CTCF: variants seen among roughly 807,000 people sequenced by gnomAD.
CTCF encodes the protein CCCTC-binding factor.
CTCF carries 7 observed loss-of-function variants against 72.3 expected under a neutral mutation model. That is an observed-to-expected ratio of 0.10 (90% CI 0.06 to 0.18). The LOEUF (loss-of-function observed/expected upper bound fraction) is 0.18, where lower values mean the gene tolerates loss of function less well. Among genes scored for constraint, CTCF ranks in the 10% least tolerant of loss-of-function variants. The pLI, the probability that CTCF is intolerant of heterozygous loss-of-function variation, is 1.00. For synonymous variants in CTCF, 374 were observed against 315.8 expected (o/e 1.18, Z -1.95); for missense variants, 516 against 949.1 (o/e 0.54, Z 6.00).
At chr16:67,617,262 G>A (rs1229506055) in intron 5 of CTCF, among the ~76,000 whole-genome samples, 2 of 152,268 alleles carry the variant, frequency 1.3e-5, no homozygotes, top group South Asian at 4.1e-4. Context: ...CAGTTTGGGA[G>A]GCTGAGGTGG....
At position 67,616,891 on chromosome 16, in the gene CTCF, C is replaced by G. The variant is rs769189997; in HGVS notation, c.1086+13C>G. Reference sequence around the variant, plus strand: ...CGCCAGTGTAGAAGTGAGTGTTCAGCTTTTTGTTGGTATCTCTCTTAGGCA... The same window carrying G: ...CGCCAGTGTAGAAGTGAGTGTTCAGGTTTTTGTTGGTATCTCTCTTAGGCA... On this transcript the variant is annotated intron_variant, in intron 5 of 11. Coordinates refer to ENST00000264010, the MANE Select transcript of CTCF (RefSeq NM_006565.4). The G allele has an allele frequency of 1.9e-6, 3 of 1,613,702 alleles. No individual in the cohort carries two copies. In the Admixed American group the frequency reaches 5.0e-5, roughly 27 times the overall value.
At chr16:67,566,411 G>T (rs2051343300) in intron 1 of CTCF, among the ~76,000 whole-genome samples, 1 of 148,722 alleles carries the variant, frequency 6.7e-6, no homozygotes, top group African/African-American at 2.5e-5. Flanking sequence ...TCAGGAGGCT[G>T]AGTCAGGAGA....
intron 2 of CTCF, among the ~76,000 whole-genome samples, chr16:67,591,140 A>G (rs893831534): frequency 1.3e-5 from 2 of 151,536 alleles, no homozygotes; most frequent in African/African-American, 4.9e-5. Context: ...GAAAAATACA[A>G]AAATTAGCTA....
chr16:67,636,836 C>G lies in CTCF; in HGVS notation c.1984C>G (p.Pro662Ala). The G allele has an allele frequency of 6.3e-7, 1 of 1,593,278 alleles. No individual in the cohort carries two copies. Among genetic ancestry groups the G allele is most frequent in the South Asian group, 1.1e-5 (1 of 87,094 alleles). The change falls in exon 11 of 12, where the codon CCC becomes GCC. Residue 662 changes from proline (P) to alanine (A), a missense_variant. Pro to Ala is a conservative substitution (Grantham distance 27, BLOSUM62 -1). Coordinates refer to ENST00000264010, the MANE Select transcript of CTCF (RefSeq NM_006565.4). ...RGRPPGRTNQPKQNQPTAIIQ... is the reference protein window; with the variant it reads ...RGRPPGRTNQAKQNQPTAIIQ... ...ACGACCCCCTGGCAGAACCAACCAGCCCAAACAGAACCAGCGTAAGTTGTT... is the reference window on the plus strand; with the variant it reads ...ACGACCCCCTGGCAGAACCAACCAGGCCAAACAGAACCAGCGTAAGTTGTT...
At chr16:67,591,482 A>T (rs1025871113) in intron 2 of CTCF, among the ~76,000 whole-genome samples, 3 of 152,156 alleles carry the variant, frequency 2.0e-5, no homozygotes, top group African/African-American at 7.2e-5. Context: ...TGTAGTCTAC[A>T]ACTTTCCTGG....
chr16:67,588,561 T>G (rs2051698280), intron 2 of CTCF, among the ~76,000 whole-genome samples: 1 of 152,150 alleles, frequency 6.6e-6, no homozygotes, highest in Non-Finnish European at 1.5e-5. Flanking sequence ...AGCATGTACT[T>G]GGGAGGCAGC....
chr16:67,622,124 A>C (rs149149637), intron 7 of CTCF, among the ~76,000 whole-genome samples: 1 of 152,140 alleles, frequency 6.6e-6, no homozygotes, highest in African/African-American at 2.4e-5. Flanking sequence ...TGGGAGGCCA[A>C]CGCGGGTGGA....
At chr16:67,607,835 T>C (rs1215549039) in intron 2 of CTCF, among the ~76,000 whole-genome samples, 1 of 149,066 alleles carries the variant, frequency 6.7e-6, no homozygotes, top group Non-Finnish European at 1.5e-5. Context: ...CTGGCCAACA[T>C]AGTGAAACCC....
At chr16:67,629,146 G>T (rs2052329800) in intron 9 of CTCF, among the ~76,000 whole-genome samples, 1 of 132,332 alleles carries the variant, frequency 7.6e-6, no homozygotes, top group Admixed American at 8.1e-5. Flanking sequence ...GTCTTCTCTT[G>T]GGGGCTCTGT....
chr16:67,619,486 G>GT (rs1414402124), intron 5 of CTCF, among the ~76,000 whole-genome samples: 1 of 151,822 alleles, frequency 6.6e-6, no homozygotes, highest in Admixed American at 6.6e-5. Context: ...GTGTTTTTTT[G>GT]TTTTTTGTTT....
At chr16:67,631,232 C>G (rs543358066) in intron 10 of CTCF, among the ~76,000 whole-genome samples, 394 of 143,354 alleles carry the variant, frequency 2.7e-3, no homozygotes, top group Non-Finnish European at 4.4e-3. Flanking sequence ...GTAGTGCGAT[C>G]TCTGCTCACT....
intron 10 of CTCF, among the ~76,000 whole-genome samples, chr16:67,630,622 G>A (rs891074900): frequency 1.3e-5 from 2 of 152,072 alleles, no homozygotes; most frequent in African/African-American, 4.8e-5. Context: ...AGGTGTGGTG[G>A]TACATGCCGA....
intron 4 of CTCF, 132 bp downstream of exon 4, chr16:67,612,253 A>G: frequency 1.3e-6 from 1 of 795,576 alleles, no homozygotes; most frequent in Non-Finnish European, 1.9e-6. Context: ...TTTTGTAATC[A>G]TGATTTTATT....
intron 7 of CTCF, 95 bp downstream of exon 7, chr16:67,621,686 C>G (rs2052200513): frequency 4.5e-6 from 4 of 884,280 alleles, no homozygotes; most frequent in Non-Finnish European, 3.4e-6. Flanking sequence ...TTCTGACTCT[C>G]ATAACATTTT....
chr16:67,632,074 C>CAAAAAAAAAA (rs556248338), intron 10 of CTCF, among the ~76,000 whole-genome samples: 21 of 96,316 alleles, frequency 2.2e-4, no homozygotes, highest in African/African-American at 7.9e-4. Flanking sequence ...ACCCTGTCTC[C>CAAAAAAAAAA]AAAAAAAAAA....
At chr16:67,577,539 G>T (rs1361255927) in intron 2 of CTCF, among the ~76,000 whole-genome samples, 1 of 150,686 alleles carries the variant, frequency 6.6e-6, no homozygotes, top group African/African-American at 2.4e-5. Flanking sequence ...CCGGGTTCAT[G>T]TCATTCCCCC....
intron 9 of CTCF, among the ~76,000 whole-genome samples, chr16:67,629,110 C>T (rs990976693): frequency 6.6e-6 from 1 of 151,784 alleles, no homozygotes; most frequent in African/African-American, 2.4e-5. Flanking sequence ...CCTACCCCAC[C>T]CTTAGCTAGC....
chr16:67,636,245 G>A (rs1364480415), intron 10 of CTCF, among the ~76,000 whole-genome samples: 2 of 152,020 alleles, frequency 1.3e-5, no homozygotes, highest in African/African-American at 2.4e-5. Context: ...GTGTGGTGGC[G>A]TATGCCTGTA....
At chr16:67,563,631 C>T (rs550203021) in intron 1 of CTCF, 10 of 152,310 alleles carry the variant, frequency 6.6e-5, no homozygotes, top group Admixed American at 5.9e-4. Context: ...TTTATCCAGC[C>T]GGGTTCGGAC....
Sources: allele counts gnomAD v4.1 joint callset (sites outside exome capture counted in the v4.1 genomes callset), GRCh38; gene constraint gnomAD v4.1.1; transcripts MANE v1.5; gene names NCBI Gene and HGNC (gene_info 2026-07-23, HGNC 2026-07-21).